Variants in PCBP4 observed in about 807,000 individuals in gnomAD.
The protein encoded by PCBP4 is poly(rC) binding protein 4, also known as poly(rC)-binding protein 4.
In PCBP4, 24 loss-of-function variants were observed where a neutral mutation model predicts 46.2. The ratio of observed to expected loss-of-function variants is 0.52; its 90% CI spans 0.38 to 0.73. The LOEUF (loss-of-function observed/expected upper bound fraction) is 0.73, where lower values mean the gene tolerates loss of function less well. PCBP4 is among the 30% of genes least tolerant of loss of function. The probability of loss-of-function intolerance (pLI) is 0.00; values close to 1 mark genes in which losing one functional copy is unlikely to be tolerated. For missense variants in PCBP4, 407 were observed against 537.0 expected, an observed-to-expected ratio of 0.76 and a Z score of 2.39; for synonymous variants, 203 against 224.4, an observed-to-expected ratio of 0.90 and a Z score of 0.85.
chr3:51,959,095 C>T lies in PCBP4; in HGVS notation c.705G>A (p.Leu235=). 6.2e-7 allele frequency: 1 copy of T among 1,613,920 alleles called. No individual in the cohort carries two copies. The highest frequency in any genetic ancestry group is 8.5e-7 in the Non-Finnish European group (1 of 1,179,952). The change falls in exon 12 of 14, where the codon CTG becomes CTA. Residue 235 remains leucine, a synonymous_variant. Coordinates refer to ENST00000461554, the MANE Select transcript of PCBP4 (RefSeq NM_001174100.2). The surrounding 1 kb of genome is among the most constrained non-coding windows in gnomAD (Gnocchi z 5.6). ...PFATPSVVPG[L]DPGTQTSSQE... ...GTGAGCTGGTCTGTGTGCCGGGATC[C>T]AGTCCTGAGGGGGAGAAGAGGGACT...
chr3:51,963,261 G>A (rs1277267552), intron 1 of PCBP4: 1 of 152,242 alleles, frequency 6.6e-6, no homozygotes, highest in Admixed American at 6.5e-5. Context: ...TCACAGAGAG[G>A]TGGGACACAG....
intron 1 of PCBP4, among the ~76,000 whole-genome samples, chr3:51,965,288 C>G (rs1406676368): frequency 6.6e-6 from 1 of 152,240 alleles, no homozygotes; most frequent in Non-Finnish European, 1.5e-5. Context: ...TCTCTTGTCT[C>G]ATCTCCACCC....
chr3:51,960,214 C>G lies in PCBP4; in HGVS notation c.362G>C (p.Gly121Ala). 6.2e-7 allele frequency: 1 copy of G among 1,614,114 alleles called. No homozygotes were observed. Among genetic ancestry groups the G allele is most frequent in the Non-Finnish European group, 8.5e-7 (1 of 1,180,038 alleles). ...CTCTCGGATCTCCTTGATCTTGGTG[C>G]CAGCCTTCCCAATCAGTGAGCCACA... ...SQCGSLIGKA[G>A]TKIKEIRETT... Residue 121 changes from glycine (G) to alanine (A), a missense_variant, in exon 7 of 14, where the codon GGC (glycine) becomes GCC (alanine). Coordinates refer to ENST00000461554, the MANE Select transcript of PCBP4 (RefSeq NM_001174100.2). This position sits in a 1 kb window ranked among gnomAD's most constrained non-coding sequence, Gnocchi z 5.0.
At position 51,960,008 on chromosome 3, in the gene PCBP4, C is replaced by A; in HGVS notation, c.403G>T (p.Val135Leu). The A allele has an allele frequency of 6.2e-7, 1 of 1,614,208 alleles. No homozygotes were observed. The highest frequency in any genetic ancestry group is 1.1e-5 in the South Asian group (1 of 91,084). ...KEIRETTGAQ[V>L]QVAGDLLPNS... ...GGGAGCAGGTCCCCTGCCACCTGTA[C>A]CTGGGCACCCGTAGTCTGCAAACAG... The change falls in exon 8 of 14, where the codon GTA (valine) becomes TTA (leucine). Residue 135 changes from valine to leucine, a missense_variant. By Grantham distance (32) the Val-to-Leu change is conservative. Transcript: ENST00000461554. The surrounding 1 kb of genome is among the most constrained non-coding windows in gnomAD (Gnocchi z 5.0).
chr3:51,965,092 C>G (rs1461058065), intron 1 of PCBP4, among the ~76,000 whole-genome samples: 1 of 152,250 alleles, frequency 6.6e-6, no homozygotes, highest in Non-Finnish European at 1.5e-5. Flanking sequence ...AGGCCACAGC[C>G]TCATGGTACC....
chr3:51,961,311 G>A lies in PCBP4; in HGVS notation c.-64-7C>T. ...CGCTGCAACCTGGCCGGCTCTGGCAGGGGCAGCCAAAGAGGGGTTCGAGAG... is the reference window on the plus strand; with the variant it reads ...CGCTGCAACCTGGCCGGCTCTGGCAAGGGCAGCCAAAGAGGGGTTCGAGAG... On this transcript the variant is annotated splice_polypyrimidine_tract_variant and splice_region_variant and intron_variant, in intron 2 of 13. Coordinates refer to ENST00000461554, the MANE Select transcript of PCBP4 (RefSeq NM_001174100.2). The A allele has an allele frequency of 6.4e-7, 1 of 1,553,210 alleles. No individual in the cohort carries two copies.
In PCBP4 at chr3:51,960,783, G is replaced by A; in HGVS notation, c.138+83C>T. On this transcript the variant is annotated intron_variant, in intron 5 of 13. Transcript: ENST00000461554. This position sits in a 1 kb window ranked among gnomAD's most constrained non-coding sequence, Gnocchi z 5.0. Reference sequence around the variant, plus strand: ...GGGGGACTCACTGGTCAGCCCAGAAGGAGTGGTTCAGAGAGAAAGTGGGGC... The same window carrying A: ...GGGGGACTCACTGGTCAGCCCAGAAAGAGTGGTTCAGAGAGAAAGTGGGGC... 2 of 1,536,528 alleles carry A rather than the reference G, an allele frequency of 1.3e-6. No individual in the cohort carries two copies. Among genetic ancestry groups the A allele is most frequent in the East Asian group, 2.2e-5 (1 of 44,494 alleles).
chr3:51,963,046 C>T (rs890939404), intron 1 of PCBP4: 3 of 152,294 alleles, frequency 2.0e-5, no homozygotes, highest in African/African-American at 7.2e-5. Context: ...TCTGGACAGC[C>T]AAGCCCAGGA....
rs755303993 is a variant in PCBP4, at chr3:51,958,851, G to A, written c.862C>T (p.His288Tyr). Residue 288 changes from histidine (H) to tyrosine (Y), a missense_variant, in exon 13 of 14, where the codon CAT becomes TAT. Coordinates refer to ENST00000461554, the MANE Select transcript of PCBP4 (RefSeq NM_001174100.2). The surrounding 1 kb of genome is among the most constrained non-coding windows in gnomAD (Gnocchi z 5.4). The part of the protein sequence containing the change: ...GNQAEGAGER[H>Y]VTITGSPVSI... ...ACCGGAGAGCCAGTGATGGTGACAT[G>A]CCGCTCCCCAGCGCCCTCTGCTTGG... 1 of 1,613,984 alleles carries A rather than the reference G, an allele frequency of 6.2e-7. No homozygotes were observed. The highest frequency in any genetic ancestry group is 2.2e-5 in the East Asian group (1 of 44,868).
Position 51,959,858 on chromosome 3 carries a change from A to G in PCBP4, c.516+37T>C. The G allele has an allele frequency of 1.3e-6, 2 of 1,560,300 alleles. No individual in the cohort carries two copies. Among genetic ancestry groups the G allele is most frequent in the Non-Finnish European group, 1.7e-6 (2 of 1,153,670 alleles). On this transcript the variant is annotated intron_variant, in intron 8 of 13. Transcript: ENST00000461554. The surrounding 1 kb of genome is among the most constrained non-coding windows in gnomAD (Gnocchi z 5.6). ...CCCCGACAAGGCAGACCCAGGGCCC[A>G]TCTCCTGCCCCCTCTCTCCCTGCCC...
chr3:51,964,426 T>TG (rs1423032145), intron 1 of PCBP4, among the ~76,000 whole-genome samples: 1 of 152,132 alleles, frequency 6.6e-6, no homozygotes, highest in African/African-American at 2.4e-5. Context: ...GCCCGCCCCT[T>TG]GGGGGATTCC....
chr3:51,959,591 G>C lies in PCBP4; in HGVS notation c.577C>G (p.Leu193Val). The change falls in exon 9 of 14, where the codon CTC (leucine) becomes GTC (valine). Residue 193 changes from leucine to valine, a missense_variant. Coordinates refer to ENST00000461554, the MANE Select transcript of PCBP4 (RefSeq NM_001174100.2). This position sits in a 1 kb window ranked among gnomAD's most constrained non-coding sequence, Gnocchi z 5.6. ...GTTCCCCTCACCTGGTTGGCAGAGA[G>C]AAGAACAGTACCTAGGGAGAGGCTC... ...HPSLSLGTVL[L>V]SANQGFSVQG... is the part of the protein sequence containing the mutation. The C allele has an allele frequency of 6.4e-7, 1 of 1,552,846 alleles. No homozygotes were observed. Among genetic ancestry groups the C allele is most frequent in the South Asian group, 1.2e-5 (1 of 84,132 alleles).
chr3:51,964,748 G>A (rs1700337426), intron 1 of PCBP4, among the ~76,000 whole-genome samples: 1 of 152,180 alleles, frequency 6.6e-6, no homozygotes, highest in African/African-American at 2.4e-5. Context: ...AACTAGCCAG[G>A]CCTTCATAAG....
chr3:51,967,182 C>T (rs1451537376), intron 1 of PCBP4, 144 bp downstream of exon 1: 1 of 152,274 alleles, frequency 6.6e-6, no homozygotes, highest in Non-Finnish European at 1.5e-5. Context: ...CTGTGCAGGC[C>T]TCAGCGGTGT....
intron 2 of PCBP4, 25 bp from the exon 3 acceptor site, chr3:51,961,329 T>C (rs1294788420): frequency 2.0e-6 from 3 of 1,520,868 alleles, no homozygotes; most frequent in Non-Finnish European, 2.6e-6. Flanking sequence ...CAAAGAGGGG[T>C]TCGAGAGGAG....
Position 51,959,195 on chromosome 3 carries a change from C to A in PCBP4, c.700+34G>T, listed in dbSNP as rs757136014. On this transcript the variant is annotated intron_variant, in intron 11 of 13. Transcript: ENST00000461554. The surrounding 1 kb of genome is among the most constrained non-coding windows in gnomAD (Gnocchi z 5.6). Reference sequence around the variant, plus strand: ...AGGGAGGGGGCTGCCCTCTTAGGACCCTCCCCCTGCCTCCTTGTGCAGGGG... The same window carrying A: ...AGGGAGGGGGCTGCCCTCTTAGGACACTCCCCCTGCCTCCTTGTGCAGGGG... 1 of 1,613,498 alleles carries A rather than the reference C, an allele frequency of 6.2e-7. No individual in the cohort carries two copies.
At chr3:51,965,543 G>A (rs1167977960) in intron 1 of PCBP4, among the ~76,000 whole-genome samples, 2 of 152,222 alleles carry the variant, frequency 1.3e-5, no homozygotes, top group African/African-American at 4.8e-5. Flanking sequence ...TTCTGAGCCT[G>A]TCTTTCCACT....
intron 1 of PCBP4, among the ~76,000 whole-genome samples, chr3:51,966,945 C>T (rs940451743): frequency 1.3e-5 from 2 of 152,120 alleles, no homozygotes; most frequent in African/African-American, 4.8e-5. Context: ...GCTCCCCCAA[C>T]GACTGCGGAG....
In PCBP4 at chr3:51,957,691, G is replaced by T. The variant is rs1219029956; in HGVS notation, c.*370C>A. ...GAAGCCTGGCCCCAGCTACCCAACGGGCCCTCCTCCCTGACTCCCACAAGG... is the reference window on the plus strand; with the variant it reads ...GAAGCCTGGCCCCAGCTACCCAACGTGCCCTCCTCCCTGACTCCCACAAGG... On this transcript the variant is annotated 3_prime_UTR_variant, in exon 14 of 14. Transcript: ENST00000461554. 3.0e-5 allele frequency: 5 copies of T among 167,436 alleles called. 1 individual carries two copies. The East Asian group carries it at 8.3e-4, about 28-fold the overall frequency. 10.4% of individuals were successfully genotyped at this position (167,436 alleles called of 1,614,324 possible).
Sources: allele counts gnomAD v4.1 joint callset (sites outside exome capture counted in the v4.1 genomes callset), GRCh38; gene constraint gnomAD v4.1.1; non-coding constraint Gnocchi (gnomAD v3.1); transcripts MANE v1.5; gene names NCBI Gene and HGNC (gene_info 2026-07-23, HGNC 2026-07-21).